ZNF84: variants seen among roughly 807,000 people sequenced by gnomAD.
The protein encoded by ZNF84 is zinc finger protein HPF2.
In ZNF84, 12 loss-of-function variants were observed where a neutral mutation model predicts 14.8. The observed-to-expected ratio is 0.81, with a 90% CI of 0.52 to 1.31. The LOEUF (loss-of-function observed/expected upper bound fraction) is 1.31. ZNF84 is among the 50% of genes most tolerant of loss of function. The pLI, the probability that ZNF84 is intolerant of heterozygous loss-of-function variation, is 0.00. For missense variants in ZNF84, 859 were observed against 878.6 expected (o/e 0.98, Z 0.28); for synonymous variants, 347 against 291.1 (o/e 1.19, Z -1.96).
At chr12:133,043,569 C>T (rs1162228677) in intron 2 of ZNF84, among the ~76,000 whole-genome samples, 2 of 152,314 alleles carry the variant, frequency 1.3e-5, no homozygotes, top group East Asian at 1.9e-4. Flanking sequence ...AGCTAGAACA[C>T]TGCTTTCCAG....
intron 4 of ZNF84, among the ~76,000 whole-genome samples, chr12:133,055,522 A>G (rs1263230691): frequency 3.7e-4 from 57 of 152,306 alleles, no homozygotes; most frequent in Admixed American, 7.2e-4. Context: ...AAGAATCACA[A>G]GATGACTATG....
At chr12:133,044,795 T>C (rs946071482) in intron 2 of ZNF84, among the ~76,000 whole-genome samples, 41 of 151,966 alleles carry the variant, frequency 2.7e-4, no homozygotes, top group Admixed American at 1.3e-3. Context: ...GCGCCTGTTA[T>C]CCTAGCTACT....
At position 133,057,684 on chromosome 12, in the gene ZNF84, A is replaced by G. The variant is rs1954185314; in HGVS notation, c.969A>G (p.Glu323=). The G allele has an allele frequency of 1.2e-6, 2 of 1,613,432 alleles. No individual in the cohort carries two copies. Among genetic ancestry groups the G allele is most frequent in the Admixed American group, 1.7e-5 (1 of 59,942 alleles). Reference sequence around the variant, plus strand: ...GAGAGAAACCCTATGGATGCAATGAATGTGGGAGGGCCTTTAGTGAAAAGT... The same window carrying G: ...GAGAGAAACCCTATGGATGCAATGAGTGTGGGAGGGCCTTTAGTGAAAAGT... ...HTGEKPYGCN[E]CGRAFSEKSN... Residue 323 remains glutamate, a synonymous_variant, in exon 5 of 5, where the codon GAA becomes GAG. Coordinates refer to ENST00000539354, the MANE Select transcript of ZNF84 (RefSeq NM_001289971.2).
At chr12:133,052,453 C>G (rs1004483078) in intron 4 of ZNF84, among the ~76,000 whole-genome samples, 5 of 152,118 alleles carry the variant, frequency 3.3e-5, no homozygotes, top group African/African-American at 1.2e-4. Context: ...GTGATCCCCC[C>G]AAGCAGCTGG....
intron 2 of ZNF84, among the ~76,000 whole-genome samples, chr12:133,044,460 A>G (rs1448786299): frequency 6.6e-6 from 1 of 152,098 alleles, no homozygotes; most frequent in Non-Finnish European, 1.5e-5. Context: ...TGGCCAGATC[A>G]TTTTAAGTAA....
Position 133,059,087 on chromosome 12 carries a change from C to T in ZNF84, c.*155C>T. The stretch of plus-strand genomic sequence containing the variant: ...GGTGTATGGAAAGCCGATCATAATT[C>T]ATAGAGTAGAGTGAACCTATGACTG... On this transcript the variant is annotated 3_prime_UTR_variant, in exon 5 of 5. Coordinates refer to ENST00000539354, the MANE Select transcript of ZNF84 (RefSeq NM_001289971.2). 1 of 754,576 alleles carries T rather than the reference C, an allele frequency of 1.3e-6. No homozygotes were observed. Among genetic ancestry groups the T allele is most frequent in the East Asian group, 2.6e-5 (1 of 38,176 alleles). The allele number at this position is 754,576 out of a possible 1,614,324, so 46.7% of individuals were successfully genotyped here.
At position 133,041,316 on chromosome 12, in the gene ZNF84, T is replaced by G; in HGVS notation, c.-152T>G. The stretch of plus-strand genomic sequence containing the variant: ...GTCCCTACAAATAAGCCTGCTCATG[T>G]GAGATAAGAAAGGAGTTCCTGGAAC... On this transcript the variant is annotated 5_prime_UTR_variant, in exon 2 of 5. An upstream open reading frame in the 5' UTR loses its in-frame stop. Coordinates refer to ENST00000539354, the MANE Select transcript of ZNF84 (RefSeq NM_001289971.2). The G allele has an allele frequency of 1.4e-6, 1 of 732,184 alleles. No homozygotes were observed. The highest frequency in any genetic ancestry group is 1.7e-5 in the South Asian group (1 of 59,604). The allele number at this position is 732,184 out of a possible 1,614,324, so 45.4% of individuals were successfully genotyped here.
chr12:133,043,118 A>G (rs1216649249), intron 2 of ZNF84, among the ~76,000 whole-genome samples: 1 of 151,964 alleles, frequency 6.6e-6, no homozygotes, highest in Non-Finnish European at 1.5e-5. Flanking sequence ...TTCACTTCAC[A>G]TTTTGTGGCA....
chr12:133,053,922 G>T (rs1954110476), intron 4 of ZNF84, among the ~76,000 whole-genome samples: 1 of 151,920 alleles, frequency 6.6e-6, no homozygotes, highest in Non-Finnish European at 1.5e-5. Flanking sequence ...AGCAAATCTT[G>T]TTGATTCTAC....
Position 133,057,262 on chromosome 12 carries a change from GATAAAT to G in ZNF84, c.553_558del (p.Tyr185_Lys186del). ...TACCTGGTTAAAATACTATGACTGT[GATAAAT>G]ATAAAGAGAGCTATAAAAAGTCACA... On this transcript the variant is annotated inframe_deletion, in exon 5 of 5. Transcript: ENST00000539354. 1.2e-6 allele frequency: 2 copies of G among 1,613,752 alleles called. No individual in the cohort carries two copies. Among genetic ancestry groups the G allele is most frequent in the South Asian group, 1.1e-5 (1 of 90,970 alleles).
At chr12:133,038,200 C>A (rs1471862264) in intron 1 of ZNF84, among the ~76,000 whole-genome samples, 3 of 152,012 alleles carry the variant, frequency 2.0e-5, no homozygotes, top group African/African-American at 7.2e-5. Context: ...TATTTTCTTT[C>A]AAATATTCTT....
In ZNF84 at chr12:133,060,968, T is replaced by A. The variant is rs1382275281; in HGVS notation, c.*2036T>A. 4.6e-5 allele frequency: 7 copies of A among 152,226 alleles called. No individual in the cohort carries two copies. The highest frequency in any genetic ancestry group is 1.7e-4 in the African/African-American group (7 of 41,460). 9.4% of individuals were successfully genotyped at this position (152,226 alleles called of 1,614,324 possible). A position where few individuals can be genotyped will look rare whatever the true frequency, so the allele number is the denominator to read the frequency against. ...TTCTCCTTTTATGTTCAAATTGTTG[T>A]ATCAGTATGGTATTTTGCACCTTTA... On this transcript the variant is annotated 3_prime_UTR_variant, in exon 5 of 5. Transcript: ENST00000539354.
chr12:133,047,848 C>A, intron 2 of ZNF84, 107 bp from the exon 3 acceptor site: 2 of 1,234,272 alleles, frequency 1.6e-6, no homozygotes, highest in Non-Finnish European at 1.2e-6. Flanking sequence ...ACATAGTAGG[C>A]ATTTTGTATA....
At chr12:133,041,918 GT>G (rs1438148096) in intron 2 of ZNF84, among the ~76,000 whole-genome samples, 1 of 152,170 alleles carries the variant, frequency 6.6e-6, no homozygotes. Context: ...CTTATCTGCA[GT>G]TTTGCTTTTT....
intron 4 of ZNF84, 76 bp downstream of exon 4, chr12:133,048,924 C>T (rs1954029097): frequency 8.1e-7 from 1 of 1,229,760 alleles, no homozygotes; most frequent in Admixed American, 2.0e-5. Context: ...GTGGGCTAGT[C>T]AGTGATGGGT....
At chr12:133,038,948 C>G (rs1953837596) in intron 1 of ZNF84, 1 of 152,084 alleles carries the variant, frequency 6.6e-6, no homozygotes, top group Admixed American at 6.5e-5. Flanking sequence ...TAAATATGAC[C>G]ATATGCTTCC....
chr12:133,043,196 G>T (rs1193593338), intron 2 of ZNF84, among the ~76,000 whole-genome samples: 2 of 150,654 alleles, frequency 1.3e-5, no homozygotes, highest in African/African-American at 2.4e-5. Context: ...ATTTTTTTTT[G>T]AGATGGAGTC....
In ZNF84 at chr12:133,057,584, C is replaced by T; in HGVS notation, c.869C>T (p.Pro290Leu). 1 of 1,614,162 alleles carries T rather than the reference C, an allele frequency of 6.2e-7. No individual in the cohort carries two copies. The highest frequency in any genetic ancestry group is 8.5e-7 in the Non-Finnish European group (1 of 1,180,028). ...CAGCGGACACATACAGGAGAGAAAC[C>T]TTATGAGTGTGGTGAATGTGGGAAA... Reference protein sequence around the residue: ...SHQRTHTGEKPYECGECGKAF... With the variant: ...SHQRTHTGEKLYECGECGKAF... Residue 290 changes from proline to leucine, a missense_variant, in exon 5 of 5, where the codon CCT becomes CTT. Pro to Leu is a moderately conservative substitution (Grantham distance 98). Transcript: ENST00000539354.
At chr12:133,056,358 G>A (rs920861908) in intron 4 of ZNF84, among the ~76,000 whole-genome samples, 13 of 151,930 alleles carry the variant, frequency 8.6e-5, no homozygotes, top group Admixed American at 2.0e-4. Flanking sequence ...GGTTCACACC[G>A]TTCTCCTGCC....
Sources: gnomAD v4.1 joint callset for allele counts (sites outside exome capture counted in the v4.1 genomes callset) on GRCh38, gnomAD v4.1.1 for gene constraint, MANE v1.5 for transcripts, NCBI Gene and HGNC (gene_info 2026-07-23, HGNC 2026-07-21) for gene names.